NANS: variants seen among roughly 807,000 people sequenced by gnomAD.
The protein encoded by NANS is N-acetylneuraminate-9-phosphate synthase.
A neutral mutation model predicts 33.3 loss-of-function variants in NANS; 29 were observed. The ratio of observed to expected loss-of-function variants is 0.87; its 90% confidence interval spans 0.65 to 1.19. The LOEUF (loss-of-function observed/expected upper bound fraction) is 1.19, where lower values mean the gene tolerates loss of function less well. NANS is among the 50% of genes most tolerant of loss of function. The pLI, the probability that NANS is intolerant of heterozygous loss-of-function variation, is 0.00. For missense variants in NANS, 394 were observed against 461.1 expected (o/e 0.85, Z 1.33); for synonymous variants, 163 against 177.2 (o/e 0.92, Z 0.64).
intron 2 of NANS, among the ~76,000 whole-genome samples, chr9:98,062,048 C>G (rs867851168): frequency 2.0e-4 from 31 of 151,754 alleles, no homozygotes; most frequent in Admixed American, 4.6e-4. Context: ...ACAGGGAGAC[C>G]CTATCTCTAC....
At chr9:98,073,216 T>C (rs1303926790) in intron 2 of NANS, among the ~76,000 whole-genome samples, 2 of 150,330 alleles carry the variant, frequency 1.3e-5, no homozygotes, top group Admixed American at 1.3e-4. Flanking sequence ...GCCCAGCCTA[T>C]TTGTGGCTAC....
intron 2 of NANS, among the ~76,000 whole-genome samples, chr9:98,068,347 T>C (rs372072261): frequency 2.0e-3 from 296 of 151,634 alleles, no homozygotes; most frequent in African/African-American, 6.9e-3. Context: ...ACCTTGTTGG[T>C]CAGGCTGGTC....
intron 2 of NANS, 74 bp from the exon 3 acceptor site, chr9:98,076,844 G>C: frequency 8.0e-7 from 1 of 1,243,726 alleles, no homozygotes; most frequent in East Asian, 2.4e-5. Context: ...CTACTTGTAT[G>C]TTATTCCTTG....
intron 2 of NANS, 35 bp from the exon 3 acceptor site, chr9:98,076,883 A>G (rs749535265): frequency 8.5e-6 from 13 of 1,534,616 alleles, no homozygotes; most frequent in South Asian, 4.6e-5. Flanking sequence ...TTTTTGGACA[A>G]TGGTGAAAAG....
chr9:98,058,212 C>T (rs184625494), intron 1 of NANS, among the ~76,000 whole-genome samples: 2 of 152,246 alleles, frequency 1.3e-5, no homozygotes, highest in African/African-American at 4.8e-5. Flanking sequence ...CCACCACCCT[C>T]GGCCCTTGCT....
chr9:98,071,398 T>C (rs367908927), intron 2 of NANS, among the ~76,000 whole-genome samples: 297 of 152,374 alleles, frequency 1.9e-3, no homozygotes, highest in African/African-American at 6.9e-3. Flanking sequence ...CCTGTTATTT[T>C]TGGTATATCC....
At chr9:98,065,141 G>C (rs1241686773) in intron 2 of NANS, among the ~76,000 whole-genome samples, 1 of 151,980 alleles carries the variant, frequency 6.6e-6, no homozygotes, top group Non-Finnish European at 1.5e-5. Flanking sequence ...AGAACCAAAG[G>C]GACATTATTG....
chr9:98,073,471 G>A (rs1164968708), intron 2 of NANS, among the ~76,000 whole-genome samples: 2 of 151,194 alleles, frequency 1.3e-5, no homozygotes, highest in Non-Finnish European at 3.0e-5. Flanking sequence ...TTTTAGTAGA[G>A]GCGGGGTTTC....
intron 2 of NANS, among the ~76,000 whole-genome samples, chr9:98,074,108 G>A (rs370452350): frequency 6.6e-5 from 10 of 152,238 alleles, no homozygotes; most frequent in African/African-American, 2.2e-4. Context: ...GTTCTGAGTC[G>A]AATAAGTTTG....
chr9:98,074,344 G>A (rs371215690), intron 2 of NANS, among the ~76,000 whole-genome samples: 39 of 152,178 alleles, frequency 2.6e-4, no homozygotes, highest in African/African-American at 8.7e-4. Context: ...TGAGGCTGCC[G>A]GGCTGCATGG....
intron 2 of NANS, among the ~76,000 whole-genome samples, chr9:98,066,651 C>T (rs778532508): frequency 4.1e-5 from 6 of 145,424 alleles, no homozygotes; most frequent in Non-Finnish European, 9.1e-5. Context: ...AACCACTTAC[C>T]GATTTTTTTT....
chr9:98,061,074 A>C, intron 2 of NANS, 77 bp downstream of exon 2: 1 of 1,401,170 alleles, frequency 7.1e-7, no homozygotes, highest in Non-Finnish European at 1.0e-6. Flanking sequence ...CTTCCGGCTT[A>C]GGGCCACCTC....
intron 1 of NANS, among the ~76,000 whole-genome samples, chr9:98,058,785 T>C (rs1019797432): frequency 2.6e-5 from 4 of 152,162 alleles, no homozygotes; most frequent in Admixed American, 6.6e-5. Context: ...GGAATCTAGG[T>C]GGCTGCAGCC....
rs1453413824 is a variant in NANS at position 98,077,007 on chromosome 9, A to G, written c.438A>G (p.Thr146=). 1 of 1,606,520 alleles carries G rather than the reference A, an allele frequency of 6.2e-7. No homozygotes were observed. The highest frequency in any genetic ancestry group is 8.5e-7 in the Non-Finnish European group (1 of 1,176,338). Residue 146 remains threonine, a synonymous_variant, in exon 3 of 6, where the codon ACA becomes ACG. Transcript: ENST00000210444. ...ATAATTTTCCTTATCTGGAAAAGAC[A>G]GCCAAAAAAGGTAAGTGTCTAATTT... ...DTNNFPYLEK[T]AKKGRPMVIS... is the part of the protein sequence containing the mutation.
At chr9:98,078,413 T>G in intron 4 of NANS, 66 bp downstream of exon 4, 3 of 1,535,256 alleles carry the variant, frequency 2.0e-6, no homozygotes, top group Non-Finnish European at 2.6e-6. Context: ...GTCTTTTTTA[T>G]AACCAAAATT....
intron 2 of NANS, among the ~76,000 whole-genome samples, chr9:98,072,670 A>G (rs1564161119): frequency 6.6e-6 from 1 of 152,034 alleles, no homozygotes; most frequent in South Asian, 2.1e-4. Context: ...CGGCCTCCCA[A>G]AGTGCTGGGA....
chr9:98,059,730 G>T (rs865778172), intron 1 of NANS, among the ~76,000 whole-genome samples: 1,439 of 139,464 alleles, frequency 0.01, 19 homozygotes, highest in African/African-American at 0.034. Context: ...AGTGTTTTTT[G>T]TTTTTTTTTT....
intron 5 of NANS, chr9:98,081,697 G>C (rs1199754999): frequency 6.6e-6 from 1 of 152,354 alleles, no homozygotes; most frequent in Non-Finnish European, 1.5e-5. Context: ...CTGAGTCATA[G>C]AGCCAGGCAG....
chr9:98,081,135 A>G lies in NANS; in HGVS notation c.870+53A>G, dbSNP rs4237190. ...CTGCTGCCGTGTGTGGAAAAAGGAT[A>G]GGCTGGCCTGAGAGGGATGGTCAGG... On this transcript the variant is annotated intron_variant, in intron 5 of 5. Transcript: ENST00000210444. 0.52 allele frequency: 833,181 copies of G among 1,602,124 alleles called. 225,964 individuals carry two copies. Among genetic ancestry groups the G allele is most frequent in the African/African-American group, 0.89 (66,837 of 74,840 alleles).
Sources: allele counts gnomAD v4.1 joint callset (sites outside exome capture counted in the v4.1 genomes callset), GRCh38; gene constraint gnomAD v4.1.1; transcripts MANE v1.5; gene names NCBI Gene and HGNC (gene_info 2026-07-23, HGNC 2026-07-21).